The following DLG2 variants were observed in gnomAD, a reference collection of about 807,000 sequenced individuals.
DLG2 encodes the protein discs large MAGUK scaffold protein 2, also known as disks large homolog 2.
In DLG2, 45 loss-of-function variants were observed where a neutral mutation model predicts 132.5. That is an observed-to-expected ratio of 0.34 (90% confidence interval 0.27 to 0.44). The LOEUF is 0.44. DLG2 is among the 20% of genes least tolerant of loss of function. DLG2 has a pLI of 1.00. For missense variants in DLG2, 1,045 were observed against 1,196.9 expected, an observed-to-expected ratio of 0.87 and a Z score of 1.87; for synonymous variants, 424 against 419.6, an observed-to-expected ratio of 1.01 and a Z score of -0.13.
At chr11:85,112,348 G>T (rs2072908976) in intron 5 of DLG2, among the ~76,000 whole-genome samples, 1 of 152,008 alleles carries the variant, frequency 6.6e-6, no homozygotes. Context: ...TTTATCTCTA[G>T]TTAACCTATA....
At chr11:83,945,659 T>C (rs1310041215) in intron 14 of DLG2, among the ~76,000 whole-genome samples, 3 of 152,208 alleles carry the variant, frequency 2.0e-5, no homozygotes, top group African/African-American at 7.2e-5. Flanking sequence ...CCTTTAGTTA[T>C]AAAATCTAAA....
intron 6 of DLG2, among the ~76,000 whole-genome samples, chr11:85,032,333 C>T (rs1344743916): frequency 1.3e-5 from 2 of 152,134 alleles, no homozygotes; most frequent in African/African-American, 2.4e-5. Context: ...TTACCCTTGC[C>T]TATCCAGAGA....
At chr11:84,637,651 A>G (rs76216268) in intron 6 of DLG2, among the ~76,000 whole-genome samples, 14,151 of 152,284 alleles carry the variant, frequency 0.093, 848 homozygotes, top group Admixed American at 0.14. Context: ...TCAGATTCAG[A>G]GCAAAGCAAT....
chr11:84,467,647 A>G (rs539733477), intron 7 of DLG2, among the ~76,000 whole-genome samples: 1 of 151,576 alleles, frequency 6.6e-6, no homozygotes, highest in Admixed American at 6.6e-5. Flanking sequence ...TGCATGAACC[A>G]TAATTGAATT....
At chr11:83,746,212 C>A (rs1216995718) in intron 18 of DLG2, among the ~76,000 whole-genome samples, 1 of 152,182 alleles carries the variant, frequency 6.6e-6, no homozygotes, top group East Asian at 1.9e-4. Flanking sequence ...TTTGACCCAG[C>A]CATCCCATTA....
intron 3 of DLG2, among the ~76,000 whole-genome samples, chr11:85,517,612 CT>C (rs532793481): frequency 4.1e-3 from 593 of 144,468 alleles, no homozygotes; most frequent in Middle Eastern, 7.1e-3. Context: ...TTTCTTTCTT[CT>C]TTTTTTTTTT....
intron 21 of DLG2, among the ~76,000 whole-genome samples, chr11:83,518,698 T>C (rs555526876): frequency 6.6e-6 from 1 of 152,032 alleles, no homozygotes; most frequent in Non-Finnish European, 1.5e-5. Context: ...GAATTATATA[T>C]CCCAAAGAAG....
chr11:85,013,342 A>G (rs1444530696), intron 6 of DLG2, among the ~76,000 whole-genome samples: 1 of 152,190 alleles, frequency 6.6e-6, no homozygotes, highest in African/African-American at 2.4e-5. Flanking sequence ...GGATCCTCAG[A>G]TAACATTAAG....
At chr11:85,352,726 A>G (rs2152884015) in intron 3 of DLG2, among the ~76,000 whole-genome samples, 1 of 152,354 alleles carries the variant, frequency 6.6e-6, no homozygotes, top group South Asian at 2.1e-4. Flanking sequence ...GACAAAAACA[A>G]GAAATCGGGA....
intron 7 of DLG2, among the ~76,000 whole-genome samples, chr11:84,407,584 C>G (rs958796791): frequency 3.3e-5 from 5 of 152,178 alleles, no homozygotes; most frequent in African/African-American, 1.2e-4. Context: ...TTCCTTCCAA[C>G]CCTGCTCTGA....
chr11:85,272,564 C>G (rs1595865145), intron 4 of DLG2, among the ~76,000 whole-genome samples: 1 of 152,102 alleles, frequency 6.6e-6, no homozygotes. Flanking sequence ...TAACAGTCTG[C>G]TTTACTTAGA....
chr11:85,574,916 T>A (rs923662403), intron 3 of DLG2, among the ~76,000 whole-genome samples: 1 of 152,052 alleles, frequency 6.6e-6, no homozygotes, highest in Non-Finnish European at 1.5e-5. Flanking sequence ...ACAGTCCCTA[T>A]CTTCAAAATC....
At position 85,335,476 on chromosome 11, in the gene DLG2, A is replaced by G. The variant is rs187467369; in HGVS notation, c.41-50111T>C. On this transcript the variant is annotated intron_variant, in intron 3 of 27. Coordinates refer to ENST00000376104, the MANE Select transcript of DLG2 (RefSeq NM_001142699.3). Reference sequence around the variant, plus strand: ...TCATCATGTTAGCTAGTTGTTATGTAGACTTGATTGTGTAATTGCTTTATA... The same window carrying G: ...TCATCATGTTAGCTAGTTGTTATGTGGACTTGATTGTGTAATTGCTTTATA... 7.9e-5 allele frequency among the ~76,000 whole-genome samples: 12 copies of G among 152,214 alleles called. No homozygotes were observed. In the East Asian group the frequency reaches 1.2e-3, roughly 15 times the overall value.
chr11:84,331,894 G>T (rs1418773273), intron 7 of DLG2, among the ~76,000 whole-genome samples: 1 of 152,176 alleles, frequency 6.6e-6, no homozygotes, highest in Non-Finnish European at 1.5e-5. Context: ...AAAAATTGGT[G>T]TTGGGTCCGA....
At chr11:83,469,787 C>G (rs1228640252) in intron 24 of DLG2, among the ~76,000 whole-genome samples, 6 of 152,130 alleles carry the variant, frequency 3.9e-5, no homozygotes, top group Admixed American at 3.3e-4. Flanking sequence ...TACTCTACAC[C>G]CATCTTCACA....
chr11:83,861,334 A>C (rs767753265), intron 16 of DLG2, among the ~76,000 whole-genome samples: 1 of 152,176 alleles, frequency 6.6e-6, no homozygotes, highest in Admixed American at 6.6e-5. Flanking sequence ...TCCTCAAAAA[A>C]CTAAAAATTG....
chr11:83,807,174 C>T (rs930134658), intron 17 of DLG2, among the ~76,000 whole-genome samples: 4 of 152,214 alleles, frequency 2.6e-5, no homozygotes, highest in Non-Finnish European at 5.9e-5. Context: ...GGAATCATCT[C>T]TCCTTCATCA....
At chr11:84,700,009 A>T (rs2059047683) in intron 6 of DLG2, among the ~76,000 whole-genome samples, 1 of 151,568 alleles carries the variant, frequency 6.6e-6, no homozygotes. Context: ...ATAACTACCT[A>T]ATATGCCAAT....
At chr11:85,544,919 A>G (rs780031259) in intron 3 of DLG2, among the ~76,000 whole-genome samples, 2 of 152,200 alleles carry the variant, frequency 1.3e-5, no homozygotes, top group Non-Finnish European at 2.9e-5. Context: ...TAAATACACA[A>G]TCATGTCATC....
Sources: allele counts gnomAD v4.1 joint callset (sites outside exome capture counted in the v4.1 genomes callset), GRCh38; gene constraint gnomAD v4.1.1; transcripts MANE v1.5; gene names NCBI Gene and HGNC (gene_info 2026-07-23, HGNC 2026-07-21).